ACKR3: variants seen among roughly 807,000 people sequenced by gnomAD.
ACKR3 encodes the protein atypical chemokine receptor 3.
A neutral mutation model predicts 22.4 loss-of-function variants in ACKR3; 6 were observed. The ratio of observed to expected loss-of-function variants is 0.27; its 90% CI spans 0.15 to 0.53. The LOEUF (loss-of-function observed/expected upper bound fraction) is 0.53. Ranked by LOEUF, ACKR3 falls within the 20% of genes least tolerant of loss-of-function variation. The probability of loss-of-function intolerance (pLI) is 0.96; values close to 1 mark genes in which losing one functional copy is unlikely to be tolerated. For missense variants in ACKR3, 396 were observed against 475.2 expected, an observed-to-expected ratio of 0.83 and a Z score of 1.55; for synonymous variants, 209 against 205.2, an observed-to-expected ratio of 1.02 and a Z score of -0.16.
the ACKR3 span, among the ~76,000 whole-genome samples, chr2:236,560,028 A>C: frequency 3.9e-4 from 60 of 152,342 alleles, no homozygotes; most frequent in South Asian, 0.012. Flanking sequence ...ATTTCAATAA[A>C]ATTTAAAATC....
intron 1 of ACKR3, among the ~76,000 whole-genome samples, chr2:236,572,565 A>G (rs893987407): frequency 1.3e-5 from 2 of 152,108 alleles, no homozygotes; most frequent in African/African-American, 4.8e-5. Context: ...TGGGAACCCC[A>G]TTGTGTCTGG....
chr2:236,559,789 T>C, the ACKR3 span, among the ~76,000 whole-genome samples: 14 of 152,336 alleles, frequency 9.2e-5, no homozygotes, highest in African/African-American at 3.4e-4. Context: ...CACAGATTAA[T>C]ATGACTGTCC....
chr2:236,564,224 C>G (rs936253505), upstream of ACKR3, among the ~76,000 whole-genome samples: 1 of 152,146 alleles, frequency 6.6e-6, no homozygotes, highest in Non-Finnish European at 1.5e-5. Context: ...TTGGAGGACT[C>G]TATTGGAGGC....
the ACKR3 span, among the ~76,000 whole-genome samples, chr2:236,544,765 G>A: frequency 6.6e-6 from 1 of 152,336 alleles, no homozygotes; most frequent in Middle Eastern, 3.4e-3. The surrounding 1 kb of genome is among the most constrained non-coding windows in gnomAD (Gnocchi z 5.0). Context: ...GCTCAGACCA[G>A]GAATTCGAGG....
rs982804923 is a variant in ACKR3 at position 236,574,877 on chromosome 2, G to C, written c.-27+4953G>C. Among the ~76,000 whole-genome samples, 2 of 152,172 alleles carry C rather than the reference G, an allele frequency of 1.3e-5. No homozygotes were observed. Among genetic ancestry groups the C allele is most frequent in the Non-Finnish European group, 2.9e-5 (2 of 68,042 alleles). On this transcript the variant is annotated intron_variant, in intron 1 of 1. Coordinates refer to ENST00000272928, the MANE Select transcript of ACKR3 (RefSeq NM_020311.3). This position sits in a 1 kb window ranked among gnomAD's most constrained non-coding sequence, Gnocchi z 5.6. ...GAGGAGCCCCAGTACCATCTGGGCT[G>C]TGAGTGACAGAGGAGTCCCTTTGCA...
the ACKR3 span, among the ~76,000 whole-genome samples, chr2:236,557,837 A>T: frequency 2.0e-5 from 3 of 152,156 alleles, no homozygotes; most frequent in South Asian, 6.2e-4. Context: ...ATGAGAACAC[A>T]CCCTCACTTC....
At chr2:236,544,284 G>A in the ACKR3 span, among the ~76,000 whole-genome samples, 5 of 152,088 alleles carry the variant, frequency 3.3e-5, no homozygotes, top group South Asian at 2.1e-4. The surrounding 1 kb of genome is among the most constrained non-coding windows in gnomAD (Gnocchi z 5.0). Context: ...CACCGCGCCC[G>A]GAGGGGTTCA....
At chr2:236,548,309 G>C in the ACKR3 span, among the ~76,000 whole-genome samples, 1 of 152,140 alleles carries the variant, frequency 6.6e-6, no homozygotes, top group Non-Finnish European at 1.5e-5. This position sits in a 1 kb window ranked among gnomAD's most constrained non-coding sequence, Gnocchi z 4.3. Flanking sequence ...CTCCCAGAAA[G>C]CATGTGTGTT....
chr2:236,580,249 T>G (rs548986450), intron 1 of ACKR3, among the ~76,000 whole-genome samples, 191 bp from the exon 2 acceptor site: 1 of 152,242 alleles, frequency 6.6e-6, no homozygotes, highest in Non-Finnish European at 1.5e-5. Context: ...ATTCAGAGTA[T>G]GATTTATTTT....
At chr2:236,544,919 T>C in the ACKR3 span, among the ~76,000 whole-genome samples, 2 of 152,144 alleles carry the variant, frequency 1.3e-5, no homozygotes, top group South Asian at 4.1e-4. This position sits in a 1 kb window ranked among gnomAD's most constrained non-coding sequence, Gnocchi z 5.0. Context: ...TTGCTTTTAA[T>C]TGGGGACACT....
chr2:236,538,306 C>T, the ACKR3 span, among the ~76,000 whole-genome samples: 2 of 152,206 alleles, frequency 1.3e-5, no homozygotes, highest in African/African-American at 4.8e-5. Flanking sequence ...GCAGAACAGA[C>T]ACAGATTGCC....
At chr2:236,568,326 C>G (rs1189790591), upstream of ACKR3, among the ~76,000 whole-genome samples, 1 of 152,238 alleles carries the variant, frequency 6.6e-6, no homozygotes, top group Non-Finnish European at 1.5e-5. Flanking sequence ...CCAGCGGGCT[C>G]AGACACAGGG....
At chr2:236,556,489 T>A in the ACKR3 span, among the ~76,000 whole-genome samples, 27 of 151,908 alleles carry the variant, frequency 1.8e-4, no homozygotes, top group Admixed American at 5.2e-4. Flanking sequence ...AGGGGGCCAG[T>A]AGTAGGCAGT....
chr2:236,560,985 G>A, the ACKR3 span, among the ~76,000 whole-genome samples: 4 of 152,332 alleles, frequency 2.6e-5, no homozygotes, highest in Middle Eastern at 6.8e-3. Context: ...TAATAAAGAA[G>A]GAAATTCTGA....
At position 236,578,938 on chromosome 2, in the gene ACKR3, G is replaced by T. The variant is rs570430721; in HGVS notation, c.-26-1502G>T. Among the ~76,000 whole-genome samples, 9 of 152,350 alleles carry T rather than the reference G, an allele frequency of 5.9e-5. No individual in the cohort carries two copies. In the East Asian group the frequency reaches 1.4e-3, roughly 23 times the overall value. ...TTCTTCCTGGCCAGGGAGGGAGAAG[G>T]GGGTGACGTTTTATTGAGCATCGGC... is the stretch of plus-strand genomic sequence containing the variant. On this transcript the variant is annotated intron_variant, in intron 1 of 1. Coordinates refer to ENST00000272928, the MANE Select transcript of ACKR3 (RefSeq NM_020311.3).
chr2:236,550,698 A>G, the ACKR3 span, among the ~76,000 whole-genome samples: 6 of 152,308 alleles, frequency 3.9e-5, no homozygotes, highest in African/African-American at 1.4e-4. The surrounding 1 kb of genome is among the most constrained non-coding windows in gnomAD (Gnocchi z 4.6). Flanking sequence ...TCGGAGCCTC[A>G]GCCCCTCATT....
the ACKR3 span, among the ~76,000 whole-genome samples, chr2:236,542,639 G>C: frequency 6.6e-6 from 1 of 152,262 alleles, no homozygotes. Context: ...CCCCATCTGT[G>C]TCTGCCTTTG....
chr2:236,578,770 C>G (rs997090476), intron 1 of ACKR3, among the ~76,000 whole-genome samples: 27 of 152,178 alleles, frequency 1.8e-4, no homozygotes, highest in African/African-American at 4.6e-4. Flanking sequence ...ATCAAACAAC[C>G]CAGTCTCTGT....
intron 1 of ACKR3, among the ~76,000 whole-genome samples, chr2:236,578,797 G>C (rs184951506): frequency 6.6e-6 from 1 of 152,192 alleles, no homozygotes; most frequent in African/African-American, 2.4e-5. Flanking sequence ...TCCCCCGGGG[G>C]CATTTACTAC....
Sources: allele counts gnomAD v4.1 joint callset (sites outside exome capture counted in the v4.1 genomes callset), GRCh38; gene constraint gnomAD v4.1.1; non-coding constraint Gnocchi (gnomAD v3.1); transcripts MANE v1.5; gene names NCBI Gene and HGNC (gene_info 2026-07-23, HGNC 2026-07-21).